The following TAOK3 variants were observed in gnomAD, a reference collection of about 807,000 sequenced individuals.
The protein encoded by TAOK3 is serine/threonine-protein kinase TAO3.
A neutral mutation model predicts 120.4 loss-of-function variants in TAOK3; 40 were observed. The ratio of observed to expected loss-of-function variants is 0.33; its 90% CI spans 0.26 to 0.43. The LOEUF (loss-of-function observed/expected upper bound fraction) is 0.43. TAOK3 is among the 20% of genes least tolerant of loss of function. The pLI, the probability that TAOK3 is intolerant of heterozygous loss-of-function variation, is 1.00. For synonymous variants in TAOK3, 355 were observed against 387.5 expected (o/e 0.92, Z 0.99); for missense variants, 821 against 1,112.1 (o/e 0.74, Z 3.72).
intron 1 of TAOK3, among the ~76,000 whole-genome samples, chr12:118,283,172 C>G (rs1449910987): frequency 6.6e-6 from 1 of 152,140 alleles, no homozygotes; most frequent in Non-Finnish European, 1.5e-5. Context: ...AAGCAGTGCT[C>G]AAGTATTCAT....
chr12:118,216,786 A>T (rs1316919599), intron 9 of TAOK3, among the ~76,000 whole-genome samples: 2 of 152,054 alleles, frequency 1.3e-5, no homozygotes, highest in Non-Finnish European at 2.9e-5. Context: ...AAAATTAGCC[A>T]GGCGTGGTGG....
chr12:118,254,468 G>A (rs531949369), intron 3 of TAOK3, among the ~76,000 whole-genome samples: 4 of 150,468 alleles, frequency 2.7e-5, no homozygotes, highest in African/African-American at 9.7e-5. Context: ...CATATATAAA[G>A]CAAAAAATCG....
intron 2 of TAOK3, among the ~76,000 whole-genome samples, chr12:118,258,323 G>A (rs2041078949): frequency 6.6e-6 from 1 of 152,148 alleles, no homozygotes; most frequent in South Asian, 2.1e-4. Context: ...ATCCATGGAT[G>A]CCAATAATCA....
chr12:118,287,283 TCA>T (rs2042300687), intron 1 of TAOK3, among the ~76,000 whole-genome samples: 1 of 152,178 alleles, frequency 6.6e-6, no homozygotes, highest in African/African-American at 2.4e-5. Context: ...AAATGGAGTC[TCA>T]CTCTGTTGCT....
chr12:118,161,820 T>C lies in TAOK3; in HGVS notation c.2107A>G (p.Met703Val). The C allele has an allele frequency of 6.2e-7, 1 of 1,614,242 alleles. No individual in the cohort carries two copies. Reference sequence around the variant, plus strand: ...TTTTTTGGCTGTTGCCGAAGTTCCATGACATGCTTTCTGTGCAGTTCTCTT... The same window carrying C: ...TTTTTTGGCTGTTGCCGAAGTTCCACGACATGCTTTCTGTGCAGTTCTCTT... Reference protein sequence around the residue: ...RERELHRKHVMELRQQPKNLK... With the variant: ...RERELHRKHVVELRQQPKNLK... The change falls in exon 18 of 21, where the codon ATG becomes GTG. Residue 703 changes from methionine to valine, a missense_variant. Met to Val is a conservative substitution (Grantham distance 21). Transcript: ENST00000392533. This position sits in a 1 kb window ranked among gnomAD's most constrained non-coding sequence, Gnocchi z 4.5.
At chr12:118,307,211 C>T (rs2043081383) in intron 1 of TAOK3, among the ~76,000 whole-genome samples, 1 of 151,718 alleles carries the variant, frequency 6.6e-6, no homozygotes, top group Non-Finnish European at 1.5e-5. Flanking sequence ...ATCAACCTTC[C>T]CGCCTCCTCT....
chr12:118,295,161 C>T (rs553708080), intron 1 of TAOK3: 4 of 152,038 alleles, frequency 2.6e-5, no homozygotes, highest in African/African-American at 4.8e-5. Context: ...CTGCCTCAGC[C>T]TCCTGAGTAG....
intron 17 of TAOK3, among the ~76,000 whole-genome samples, chr12:118,167,491 T>C (rs547772084): frequency 6.6e-6 from 1 of 151,354 alleles, no homozygotes; most frequent in Non-Finnish European, 1.5e-5. Flanking sequence ...CCGAGAAGTG[T>C]CTCATTAAAT....
Position 118,233,779 on chromosome 12 carries a change from G to A in TAOK3, c.552-14C>T. The A allele has an allele frequency of 1.3e-6, 2 of 1,575,950 alleles. No individual in the cohort carries two copies. The highest frequency in any genetic ancestry group is 1.7e-6 in the Non-Finnish European group (2 of 1,160,416). ...TCTGGAGCCATCCTACCAAACATAA[G>A]GTACAAAACTCAAGTTGGAGATTAA... On this transcript the variant is annotated splice_polypyrimidine_tract_variant and intron_variant, in intron 8 of 20. Transcript: ENST00000392533.
Position 118,149,864 on chromosome 12 carries a change from G to A in TAOK3, c.*1133C>T, listed in dbSNP as rs144812363. 5.3e-5 allele frequency: 8 copies of A among 151,880 alleles called. No individual in the cohort carries two copies. Among genetic ancestry groups the A allele is most frequent in the South Asian group, 4.1e-4 (2 of 4,826 alleles). The allele number at this position is 151,880 out of a possible 1,614,324, so 9.4% of individuals were successfully genotyped here. A position where few individuals can be genotyped will look rare whatever the true frequency, so the allele number is the denominator to read the frequency against. On this transcript the variant is annotated 3_prime_UTR_variant, in exon 21 of 21. Coordinates refer to ENST00000392533, the MANE Select transcript of TAOK3 (RefSeq NM_016281.4). ...TCTGACAGTTATCATGCTCTTCCTT[G>A]GAACCTGAAAAATGTTTTGTTTTGT...
At chr12:118,257,472 A>G (rs1386646089) in intron 2 of TAOK3, among the ~76,000 whole-genome samples, 1 of 152,088 alleles carries the variant, frequency 6.6e-6, no homozygotes, top group Non-Finnish European at 1.5e-5. Flanking sequence ...GTTATCAATC[A>G]TCTATATTTT....
chr12:118,355,593 T>C (rs943027030), intron 1 of TAOK3, among the ~76,000 whole-genome samples: 1 of 152,226 alleles, frequency 6.6e-6, no homozygotes, highest in Admixed American at 6.5e-5. Context: ...ATTTCATCCC[T>C]GTGTTCCCTG....
chr12:118,315,540 G>A (rs139782097), intron 1 of TAOK3, among the ~76,000 whole-genome samples: 182 of 152,214 alleles, frequency 1.2e-3, no homozygotes, highest in Non-Finnish European at 1.7e-3. Context: ...AGATGGATTT[G>A]GGGTGGATGG....
intron 17 of TAOK3, among the ~76,000 whole-genome samples, chr12:118,166,360 TA>T (rs2035580901): frequency 6.6e-6 from 1 of 151,972 alleles, no homozygotes; most frequent in Non-Finnish European, 1.5e-5. Flanking sequence ...CCAACGTGGT[TA>T]AACCCTGTCT....
At chr12:118,181,678 C>G (rs779164904) in intron 14 of TAOK3, 71 bp from the exon 15 acceptor site, 2 of 1,340,184 alleles carry the variant, frequency 1.5e-6, no homozygotes, top group Non-Finnish European at 2.1e-6. Flanking sequence ...CAAAGTAGAA[C>G]GGCCCTGTGG....
rs186716474 is a variant in TAOK3 at position 118,196,252 on chromosome 12, C to T, written c.1194+2799G>A. Among the ~76,000 whole-genome samples the T allele has an allele frequency of 2.6e-5, 4 of 152,178 alleles. No homozygotes were observed. The East Asian group carries it at 7.7e-4, about 29-fold the overall frequency. On this transcript the variant is annotated intron_variant, in intron 13 of 20. Coordinates refer to ENST00000392533, the MANE Select transcript of TAOK3 (RefSeq NM_016281.4). The stretch of plus-strand genomic sequence containing the variant: ...CTTGATCTGTGGTAGAACTGTCCTG[C>T]TAAAATCAGGGCATCTTTATTCTGG...
chr12:118,308,538 C>T (rs779747279), intron 1 of TAOK3, among the ~76,000 whole-genome samples: 7 of 152,152 alleles, frequency 4.6e-5, no homozygotes, highest in Non-Finnish European at 8.8e-5. Flanking sequence ...TGTCATCTGA[C>T]TCCTAGGATA....
At chr12:118,300,246 A>G (rs1339306478) in intron 1 of TAOK3, among the ~76,000 whole-genome samples, 1 of 152,236 alleles carries the variant, frequency 6.6e-6, no homozygotes, top group East Asian at 1.9e-4. Context: ...TTTACTATTT[A>G]GCAAAAATTG....
chr12:118,265,397 A>T (rs980620243), intron 2 of TAOK3, among the ~76,000 whole-genome samples: 1 of 150,038 alleles, frequency 6.7e-6, no homozygotes, highest in African/African-American at 2.4e-5. Context: ...TCAGGAAGAA[A>T]AAAAAAAAAA....
Sources: gnomAD v4.1 joint callset for allele counts (sites outside exome capture counted in the v4.1 genomes callset) on GRCh38, gnomAD v4.1.1 for gene constraint, Gnocchi (gnomAD v3.1) non-coding constraint, MANE v1.5 for transcripts, NCBI Gene and HGNC (gene_info 2026-07-23, HGNC 2026-07-21) for gene names.